Variants in PLXNA4 observed in about 807,000 individuals in gnomAD.
PLXNA4 encodes the protein plexin A4.
In PLXNA4, 44 loss-of-function variants were observed where a neutral mutation model predicts 191.8. The ratio of observed to expected loss-of-function variants is 0.23; its 90% CI spans 0.18 to 0.29. PLXNA4 has a LOEUF of 0.29. Ranked by LOEUF, PLXNA4 falls within the 10% of genes least tolerant of loss-of-function variation. The pLI, the probability that PLXNA4 is intolerant of heterozygous loss-of-function variation, is 1.00. For synonymous variants in PLXNA4, 1,082 were observed against 1,009.5 expected, an observed-to-expected ratio of 1.07 and a Z score of -1.36; for missense variants, 1,800 against 2,488.8, an observed-to-expected ratio of 0.72 and a Z score of 5.89.
At chr7:132,487,794 C>T (rs940664766) in intron 3 of PLXNA4, among the ~76,000 whole-genome samples, 1 of 152,150 alleles carries the variant, frequency 6.6e-6, no homozygotes, top group South Asian at 2.1e-4. Context: ...TGTCTCACAG[C>T]GTCTTCCCTG....
intron 3 of PLXNA4, among the ~76,000 whole-genome samples, chr7:132,429,961 G>A (rs1391504488): frequency 1.3e-5 from 2 of 152,164 alleles, no homozygotes; most frequent in Non-Finnish European, 2.9e-5. Flanking sequence ...CTGGATGACA[G>A]CTTTCCCTAG....
intron 3 of PLXNA4, among the ~76,000 whole-genome samples, chr7:132,459,521 C>A (rs191587960): frequency 6.6e-6 from 1 of 152,118 alleles, no homozygotes. Flanking sequence ...CCAGCACTTG[C>A]GGAGGTTAGA....
chr7:132,617,035 T>C (rs1217591446), intron 2 of PLXNA4, among the ~76,000 whole-genome samples: 2 of 152,204 alleles, frequency 1.3e-5, no homozygotes, highest in Non-Finnish European at 2.9e-5. Flanking sequence ...GGTAGAGTCA[T>C]AAGATGGTCA....
At chr7:132,270,413 A>G (rs904243472) in intron 4 of PLXNA4, among the ~76,000 whole-genome samples, 2 of 152,214 alleles carry the variant, frequency 1.3e-5, no homozygotes, top group Non-Finnish European at 2.9e-5. Flanking sequence ...ACTTTCCCCT[A>G]TGATTCCAAA....
At chr7:132,618,668 G>A (rs1803201218) in intron 2 of PLXNA4, among the ~76,000 whole-genome samples, 1 of 152,158 alleles carries the variant, frequency 6.6e-6, no homozygotes, top group Non-Finnish European at 1.5e-5. Flanking sequence ...TGTGAGGCAA[G>A]GAGCAGCCAG....
chr7:132,394,204 T>C (rs1367849755), intron 3 of PLXNA4, among the ~76,000 whole-genome samples: 2 of 152,064 alleles, frequency 1.3e-5, no homozygotes, highest in African/African-American at 4.8e-5. Flanking sequence ...GAGCCGAGTT[T>C]CCTCTGAAGC....
rs1331975685 is a variant in PLXNA4 at position 132,364,263 on chromosome 7, A to G, written c.1372-66041T>C. ...CATACTGGTGTCTAGACTTTGTCAT[A>G]TGGAGCAAATGACAGGATATTTGGA... On this transcript the variant is annotated intron_variant, in intron 3 of 31. Coordinates refer to ENST00000321063, the MANE Select transcript of PLXNA4 (RefSeq NM_020911.2). Among the ~76,000 whole-genome samples the G allele has an allele frequency of 2.0e-5, 3 of 152,336 alleles. No individual in the cohort carries two copies. In the East Asian group the frequency reaches 5.8e-4, roughly 29 times the overall value.
chr7:132,607,212 T>C (rs1164976875), intron 2 of PLXNA4, among the ~76,000 whole-genome samples: 1 of 152,244 alleles, frequency 6.6e-6, no homozygotes, highest in Non-Finnish European at 1.5e-5. Context: ...GAGGCTGACC[T>C]ACACATACAC....
intron 4 of PLXNA4, among the ~76,000 whole-genome samples, chr7:132,273,710 T>TC (rs982280375): frequency 1.3e-5 from 2 of 151,984 alleles, no homozygotes; most frequent in African/African-American, 4.8e-5. Flanking sequence ...TCAGCTTGTT[T>TC]CCCCCCATTT....
intron 5 of PLXNA4, among the ~76,000 whole-genome samples, chr7:132,237,842 G>T (rs1011174662): frequency 6.6e-6 from 1 of 152,164 alleles, no homozygotes; most frequent in African/African-American, 2.4e-5. Flanking sequence ...AACTGCTAAC[G>T]TTTATTTGTG....
At chr7:132,453,642 A>C (rs1345212299) in intron 3 of PLXNA4, among the ~76,000 whole-genome samples, 1 of 152,066 alleles carries the variant, frequency 6.6e-6, no homozygotes, top group Non-Finnish European at 1.5e-5. Flanking sequence ...CCCTGGTTCA[A>C]GCAATTATCC....
At chr7:132,186,538 C>T (rs1796883766) in intron 15 of PLXNA4, among the ~76,000 whole-genome samples, 1 of 152,204 alleles carries the variant, frequency 6.6e-6, no homozygotes, top group African/African-American at 2.4e-5. Context: ...CCCAAATCCT[C>T]TCCCAAAGAG....
chr7:132,572,777 T>C (rs1314558388), intron 1 of PLXNA4, among the ~76,000 whole-genome samples: 1 of 151,532 alleles, frequency 6.6e-6, no homozygotes, highest in Non-Finnish European at 1.5e-5. Context: ...CAGGTGGGAG[T>C]CTGGGGAGGG....
intron 3 of PLXNA4, among the ~76,000 whole-genome samples, chr7:132,479,796 T>A (rs549086662): frequency 1.3e-5 from 2 of 152,224 alleles, no homozygotes; most frequent in Non-Finnish European, 2.9e-5. Flanking sequence ...ACTACAGGCA[T>A]GTACCATCAT....
chr7:132,140,543 G>A, intron 30 of PLXNA4, 56 bp downstream of exon 30: 1 of 1,592,544 alleles, frequency 6.3e-7, no homozygotes, highest in East Asian at 2.2e-5. Flanking sequence ...CTTTTGTTGA[G>A]GGAGCTGCTG....
At chr7:132,384,803 C>T (rs1805052611) in intron 3 of PLXNA4, 3 of 1,121,814 alleles carry the variant, frequency 2.7e-6, no homozygotes, top group Non-Finnish European at 2.2e-6. Context: ...GGCCAGGCGA[C>T]TTGGCTGCAG....
intron 4 of PLXNA4, among the ~76,000 whole-genome samples, chr7:132,280,269 C>G (rs1800430759): frequency 6.6e-6 from 1 of 151,076 alleles, no homozygotes; most frequent in Middle Eastern, 3.4e-3. Context: ...GACAAGAGAT[C>G]GAGAGATTGA....
Position 132,148,659 on chromosome 7 carries a change from C to A in PLXNA4, c.4661-13G>T. 6.2e-7 allele frequency: 1 copy of A among 1,614,034 alleles called. No homozygotes were observed. Among genetic ancestry groups the A allele is most frequent in the Non-Finnish European group, 8.5e-7 (1 of 1,179,968 alleles). The stretch of plus-strand genomic sequence containing the variant: ...CCTTGTCGCCACTCTGCCAAAAGAG[C>A]GGTGGCGTTTCAGAGAGGCCCTATG... On this transcript the variant is annotated splice_polypyrimidine_tract_variant and intron_variant, in intron 25 of 31. Transcript: ENST00000321063.
At chr7:132,394,198 C>T (rs1051359117) in intron 3 of PLXNA4, among the ~76,000 whole-genome samples, 1 of 152,114 alleles carries the variant, frequency 6.6e-6, no homozygotes, top group Non-Finnish European at 1.5e-5. Context: ...GGGATGGAGC[C>T]GAGTTTCCTC....
Sources: gnomAD v4.1 joint callset for allele counts (sites outside exome capture counted in the v4.1 genomes callset) on GRCh38, gnomAD v4.1.1 for gene constraint, MANE v1.5 for transcripts, NCBI Gene and HGNC (gene_info 2026-07-23, HGNC 2026-07-21) for gene names.